Variants in GDF6 observed in about 807,000 individuals in gnomAD.
The protein encoded by GDF6 is growth/differentiation factor 6.
Under a neutral mutation model 32.4 loss-of-function variants are expected in GDF6, and 3 were observed. That is an observed-to-expected ratio of 0.09 (90% CI 0.04 to 0.24). GDF6 has a LOEUF of 0.24. Among genes scored for constraint, GDF6 ranks in the 10% least tolerant of loss-of-function variants. GDF6 has a pLI of 1.00. For synonymous variants in GDF6, 296 were observed against 295.3 expected (o/e 1.00, Z -0.03); for missense variants, 589 against 637.9 (o/e 0.92, Z 0.83).
chr8:96,144,244 TAGAGAGAGAGAG>T lies in GDF6; in HGVS notation c.*307_*318del, dbSNP rs71275339. 1,167 of 234,816 alleles carry T rather than the reference TAGAGAGAGAGAG, an allele frequency of 5.0e-3. 3 individuals carry two copies. Among genetic ancestry groups the T allele is most frequent in the Middle Eastern group, 0.015 (10 of 656 alleles). 14.5% of individuals were successfully genotyped at this position (234,816 alleles called of 1,614,324 possible). A position where few individuals can be genotyped will look rare whatever the true frequency, so the allele number is the denominator to read the frequency against. On this transcript the variant is annotated 3_prime_UTR_variant, in exon 2 of 2. Transcript: ENST00000287020. This position sits in a 1 kb window ranked among gnomAD's most constrained non-coding sequence, Gnocchi z 5.1. ...ATAAGGAAATCCAAAGCCACAGTAATAGAGAGAGAGAGAGAGAGAGAGAGAGAGAGAGAGAGA... is the reference window on the plus strand; with the variant it reads ...ATAAGGAAATCCAAAGCCACAGTAATAGAGAGAGAGAGAGAGAGAGAGAGA...
intron 1 of GDF6, among the ~76,000 whole-genome samples, chr8:96,154,652 A>G (rs1812629344): frequency 6.6e-6 from 1 of 152,022 alleles, no homozygotes. Flanking sequence ...TCAATACCCG[A>G]GGGGTTATCG....
chr8:96,147,076 G>A (rs772008296), intron 1 of GDF6, among the ~76,000 whole-genome samples: 5 of 152,104 alleles, frequency 3.3e-5, no homozygotes, highest in African/African-American at 4.8e-5. Flanking sequence ...AGTTTGGGTC[G>A]ATTTCAATAG....
chr8:96,155,476 G>A (rs1456941314), intron 1 of GDF6, among the ~76,000 whole-genome samples: 2 of 152,188 alleles, frequency 1.3e-5, no homozygotes, highest in Non-Finnish European at 2.9e-5. Flanking sequence ...TCCAATTTAA[G>A]GCTTCTTTCC....
intron 1 of GDF6, among the ~76,000 whole-genome samples, chr8:96,155,427 C>T (rs1812645192): frequency 6.6e-6 from 1 of 152,212 alleles, no homozygotes; most frequent in Non-Finnish European, 1.5e-5. Flanking sequence ...TGGCCTTAAA[C>T]GTGCCTTACT....
intron 1 of GDF6, among the ~76,000 whole-genome samples, chr8:96,155,669 T>C (rs756809635): frequency 6.6e-6 from 1 of 152,238 alleles, no homozygotes; most frequent in Non-Finnish European, 1.5e-5. Context: ...AAAGCCTAGA[T>C]TGGAACCTTC....
rs764817524 is a variant in GDF6, at chr8:96,160,630, G to C, written c.63C>G (p.Pro21=). 1.9e-6 allele frequency: 3 copies of C among 1,613,636 alleles called. No individual in the cohort carries two copies. The highest frequency in any genetic ancestry group is 2.5e-6 in the Non-Finnish European group (3 of 1,179,706). ...VFLISFLWDL[P]GFQQASISSS... is the part of the protein sequence containing the mutation. ...ATGAGATGGAAGCCTGCTGGAAACC[G>C]GGCAAATCCCACAGAAAACTGATGA... The change falls in exon 1 of 2, where the codon CCC becomes CCG. Residue 21 remains proline (P), a synonymous_variant. Coordinates refer to ENST00000287020, the MANE Select transcript of GDF6 (RefSeq NM_001001557.4).
At chr8:96,146,707 C>CAGAGAGAGAG (rs1554571546) in intron 1 of GDF6, among the ~76,000 whole-genome samples, 9 of 139,920 alleles carry the variant, frequency 6.4e-5, no homozygotes, top group African/African-American at 2.3e-4. Context: ...CACACACACA[C>CAGAGAGAGAG]AGAGAGAGAG....
chr8:96,143,622 T>A lies in GDF6; in HGVS notation c.*941A>T, dbSNP rs1812408402. 1 of 152,686 alleles carries A rather than the reference T, an allele frequency of 6.5e-6. No homozygotes were observed. Among genetic ancestry groups the A allele is most frequent in the Non-Finnish European group, 1.5e-5 (1 of 68,056 alleles). 9.5% of individuals were successfully genotyped at this position (152,686 alleles called of 1,614,324 possible). Reference sequence around the variant, plus strand: ...TTCTGTTGAAAGAAATCAATTAGAATCAGAAAGGGCATTTGGGTGGGCTAC... The same window carrying A: ...TTCTGTTGAAAGAAATCAATTAGAAACAGAAAGGGCATTTGGGTGGGCTAC... On this transcript the variant is annotated 3_prime_UTR_variant, in exon 2 of 2. Transcript: ENST00000287020.
chr8:96,143,459 T>C lies in GDF6; in HGVS notation c.*1104A>G, dbSNP rs1812406213. The stretch of plus-strand genomic sequence containing the variant: ...TGAGGCCCACCATCTTCCCTCCTGA[T>C]GGGACTCCTTCTACTTCTTGGTTCC... On this transcript the variant is annotated 3_prime_UTR_variant, in exon 2 of 2. Transcript: ENST00000287020. 1 of 152,742 alleles carries C rather than the reference T, an allele frequency of 6.5e-6. No homozygotes were observed. Among genetic ancestry groups the C allele is most frequent in the African/African-American group, 2.4e-5 (1 of 41,454 alleles). 9.5% of individuals were successfully genotyped at this position (152,742 alleles called of 1,614,324 possible). A position where few individuals can be genotyped will look rare whatever the true frequency, so the allele number is the denominator to read the frequency against.
Position 96,145,722 on chromosome 8 carries a change from G to A in GDF6, c.407-198C>T, listed in dbSNP as rs1214424301. 2.0e-5 allele frequency among the ~76,000 whole-genome samples: 3 copies of A among 152,220 alleles called. No individual in the cohort carries two copies. The highest frequency in any genetic ancestry group is 2.1e-4 in the South Asian group (1 of 4,816). On this transcript the variant is annotated intron_variant, in intron 1 of 1. Transcript: ENST00000287020. The surrounding 1 kb of genome is among the most constrained non-coding windows in gnomAD (Gnocchi z 5.6). ...CGCGGGGAAGGGGGCGCGCCAGGAC[G>A]GGCCCCCTCCTTCGCGTCAGCTCCG... is the stretch of plus-strand genomic sequence containing the variant.
intron 1 of GDF6, among the ~76,000 whole-genome samples, chr8:96,156,199 TA>T (rs1359702395): frequency 3.9e-5 from 6 of 152,216 alleles, no homozygotes. Flanking sequence ...AAGAAAAAAG[TA>T]AAGGGTATTC....
At chr8:96,156,656 AT>A (rs1166240966) in intron 1 of GDF6, among the ~76,000 whole-genome samples, 1 of 152,192 alleles carries the variant, frequency 6.6e-6, no homozygotes, top group Non-Finnish European at 1.5e-5. Context: ...ACCTTTATGG[AT>A]CCAACATCAT....
In GDF6 at chr8:96,160,465, C is replaced by T. The variant is rs574711442; in HGVS notation, c.228G>A (p.Arg76=). ...EPQPRPQDEP[R]AQQPRAQEPP... ...GCTCCTGCGCCCGGGGCTGCTGAGCCCGGGGTTCGTCCTGAGGCCGCGGCT... is the reference window on the plus strand; with the variant it reads ...GCTCCTGCGCCCGGGGCTGCTGAGCTCGGGGTTCGTCCTGAGGCCGCGGCT... The change falls in exon 1 of 2, where the codon CGG becomes CGA. Residue 76 remains arginine, a synonymous_variant. Transcript: ENST00000287020. 1.2e-6 allele frequency: 2 copies of T among 1,613,298 alleles called. No homozygotes were observed. The highest frequency in any genetic ancestry group is 2.7e-5 in the African/African-American group (2 of 75,050).
At chr8:96,150,680 C>G (rs998355798) in intron 1 of GDF6, among the ~76,000 whole-genome samples, 2 of 152,238 alleles carry the variant, frequency 1.3e-5, no homozygotes, top group East Asian at 3.8e-4. Context: ...TGACCCCAGT[C>G]CTGCAGCGCA....
At chr8:96,160,195 A>C in intron 1 of GDF6, 92 bp downstream of exon 1, 2 of 1,223,630 alleles carry the variant, frequency 1.6e-6, no homozygotes, top group Non-Finnish European at 2.4e-6. Flanking sequence ...CAGAGCAGGA[A>C]GGGAATTCAC....
intron 1 of GDF6, among the ~76,000 whole-genome samples, chr8:96,148,877 G>C (rs1812525092): frequency 6.6e-6 from 1 of 152,176 alleles, no homozygotes; most frequent in Non-Finnish European, 1.5e-5. Context: ...CAAGAAGGTG[G>C]CTCCTCTGTG....
At position 96,144,030 on chromosome 8, in the gene GDF6, C is replaced by T. The variant is rs1465144939; in HGVS notation, c.*533G>A. 2 of 173,000 alleles carry T rather than the reference C, an allele frequency of 1.2e-5. No homozygotes were observed. Among genetic ancestry groups the T allele is most frequent in the Non-Finnish European group, 2.5e-5 (2 of 79,260 alleles). 10.7% of individuals were successfully genotyped at this position (173,000 alleles called of 1,614,324 possible). ...TGTGTGGGAGGGCACAAGACATGGG[C>T]TATGACATGGCCAGAGACCCCACCT... On this transcript the variant is annotated 3_prime_UTR_variant, in exon 2 of 2. Transcript: ENST00000287020. This position sits in a 1 kb window ranked among gnomAD's most constrained non-coding sequence, Gnocchi z 5.1.
At chr8:96,159,559 A>G (rs1441198783) in intron 1 of GDF6, among the ~76,000 whole-genome samples, 1 of 152,186 alleles carries the variant, frequency 6.6e-6, no homozygotes, top group African/African-American at 2.4e-5. Context: ...ACCTTTGTGT[A>G]TTAAGTACCC....
chr8:96,150,806 A>G (rs978548357), intron 1 of GDF6, among the ~76,000 whole-genome samples: 7 of 152,248 alleles, frequency 4.6e-5, no homozygotes, highest in Non-Finnish European at 8.8e-5. Flanking sequence ...TAGCTTCATC[A>G]TTAGTGTAAT....
Sources: allele counts gnomAD v4.1 joint callset (sites outside exome capture counted in the v4.1 genomes callset), GRCh38; gene constraint gnomAD v4.1.1; non-coding constraint Gnocchi (gnomAD v3.1); transcripts MANE v1.5; gene names NCBI Gene and HGNC (gene_info 2026-07-23, HGNC 2026-07-21).